Variants in PRKG1 observed in about 807,000 individuals in gnomAD.
The protein encoded by PRKG1 is cGMP-dependent protein kinase 1.
Under a neutral mutation model 88.1 loss-of-function variants are expected in PRKG1, and 35 were observed. That is an observed-to-expected ratio of 0.40 (90% CI 0.30 to 0.53). The LOEUF (loss-of-function observed/expected upper bound fraction) is 0.53. Ranked by LOEUF, PRKG1 falls within the 20% of genes least tolerant of loss-of-function variation. The probability of loss-of-function intolerance (pLI) is 0.59; values close to 1 mark genes in which losing one functional copy is unlikely to be tolerated. For missense variants in PRKG1, 540 were observed against 839.8 expected (o/e 0.64, Z 4.41); for synonymous variants, 303 against 292.5 (o/e 1.04, Z -0.37).
intron 1 of PRKG1, among the ~76,000 whole-genome samples, chr10:51,129,907 A>G (rs772072692): frequency 2.0e-5 from 3 of 152,124 alleles, no homozygotes; most frequent in Non-Finnish European, 4.4e-5. Flanking sequence ...AAGGTGTAGG[A>G]CTTTCCAAAG....
intron 2 of PRKG1, among the ~76,000 whole-genome samples, chr10:51,295,443 G>A (rs1840694575): frequency 1.3e-5 from 2 of 152,034 alleles, no homozygotes; most frequent in South Asian, 4.1e-4. Context: ...TGTTGTTTGT[G>A]TATAGAACAT....
intron 5 of PRKG1, among the ~76,000 whole-genome samples, chr10:51,914,677 T>C (rs571045501): frequency 6.6e-6 from 1 of 152,318 alleles, no homozygotes; most frequent in Admixed American, 6.5e-5. Flanking sequence ...GACTTCTGTC[T>C]CACTAACTTT....
At chr10:51,948,083 G>T (rs760623148) in intron 5 of PRKG1, among the ~76,000 whole-genome samples, 1 of 151,076 alleles carries the variant, frequency 6.6e-6, no homozygotes, top group African/African-American at 2.4e-5. Flanking sequence ...ATATATTTTT[G>T]ATGAAAGAAT....
chr10:51,458,531 C>A (rs1023351682), intron 2 of PRKG1, among the ~76,000 whole-genome samples: 3 of 151,846 alleles, frequency 2.0e-5, no homozygotes, highest in African/African-American at 4.8e-5. Flanking sequence ...ACACAAAGAT[C>A]TTTCACATAA....
intron 2 of PRKG1, among the ~76,000 whole-genome samples, chr10:51,352,753 A>G (rs77190039): frequency 0.026 from 3,947 of 152,182 alleles, 66 homozygotes; most frequent in South Asian, 0.044. Context: ...ATAGAAATAG[A>G]AAAAAAATCC....
chr10:51,887,695 C>T (rs527795717), intron 4 of PRKG1, among the ~76,000 whole-genome samples: 234 of 152,260 alleles, frequency 1.5e-3, no homozygotes, highest in Middle Eastern at 6.8e-3. Context: ...GGCACTTTTT[C>T]GTATACCTAC....
intron 2 of PRKG1, among the ~76,000 whole-genome samples, chr10:51,169,299 G>T (rs542071418): frequency 1.3e-5 from 2 of 152,196 alleles, no homozygotes; most frequent in East Asian, 3.9e-4. Flanking sequence ...AACCTACATT[G>T]TGAGCTACCG....
chr10:51,317,453 T>C (rs753862562), intron 2 of PRKG1, among the ~76,000 whole-genome samples: 27 of 152,234 alleles, frequency 1.8e-4, no homozygotes, highest in Non-Finnish European at 3.2e-4. Flanking sequence ...GTTCATTGTA[T>C]TCTTCCTAAC....
At chr10:51,961,977 T>G (rs574272828) in intron 5 of PRKG1, among the ~76,000 whole-genome samples, 1 of 152,216 alleles carries the variant, frequency 6.6e-6, no homozygotes, top group East Asian at 1.9e-4. Flanking sequence ...ACTAGCACCA[T>G]CGGACATCAT....
chr10:52,009,610 A>G (rs1844830677), intron 5 of PRKG1, among the ~76,000 whole-genome samples: 1 of 152,200 alleles, frequency 6.6e-6, no homozygotes, highest in Admixed American at 6.5e-5. Flanking sequence ...AAGGAAGTGT[A>G]CAGATTCAAT....
chr10:51,901,829 T>A (rs993020767), intron 4 of PRKG1, among the ~76,000 whole-genome samples: 2 of 152,168 alleles, frequency 1.3e-5, no homozygotes, highest in Admixed American at 1.3e-4. Context: ...TTCATCCTAT[T>A]TGTATTTCTT....
intron 2 of PRKG1, among the ~76,000 whole-genome samples, chr10:51,159,203 T>C (rs1846298518): frequency 6.6e-6 from 1 of 152,108 alleles, no homozygotes; most frequent in South Asian, 2.1e-4. Flanking sequence ...AAAGAGGGAT[T>C]TTATATAAAA....
chr10:51,632,172 T>C, intron 3 of PRKG1, among the ~76,000 whole-genome samples: 1 of 152,196 alleles, frequency 6.6e-6, no homozygotes, highest in Admixed American at 6.5e-5. Context: ...CCCAAGACAG[T>C]TCTTCTTCTT....
intron 1 of PRKG1, among the ~76,000 whole-genome samples, chr10:51,049,771 G>A (rs138051859): frequency 4.5e-4 from 68 of 152,240 alleles, no homozygotes; most frequent in Non-Finnish European, 8.2e-4. Context: ...ACTGATTCTA[G>A]TTGGTATGGG....
At chr10:51,177,402 A>G (rs1236524329) in intron 2 of PRKG1, among the ~76,000 whole-genome samples, 1 of 152,192 alleles carries the variant, frequency 6.6e-6, no homozygotes, top group Non-Finnish European at 1.5e-5. Flanking sequence ...TTTCAATTTA[A>G]TTACTTTTTT....
chr10:51,607,699 T>A (rs1284048789), intron 3 of PRKG1, among the ~76,000 whole-genome samples: 3 of 152,236 alleles, frequency 2.0e-5, no homozygotes, highest in Admixed American at 2.0e-4. Flanking sequence ...AAGAGATAAG[T>A]GCCTATTATT....
chr10:51,385,327 A>T (rs1180752336), intron 2 of PRKG1, among the ~76,000 whole-genome samples: 2 of 152,214 alleles, frequency 1.3e-5, no homozygotes, highest in Admixed American at 6.5e-5. Flanking sequence ...CAAAAAAGAC[A>T]AGTGAAAATA....
At chr10:51,699,046 C>T (rs1409251578) in intron 3 of PRKG1, 1 of 1,614,210 alleles carries the variant, frequency 6.2e-7, no homozygotes, top group Admixed American at 1.7e-5. Context: ...GTGCATAAGC[C>T]AGTTGTGGAT....
At chr10:51,536,420 G>C (rs1197020868) in intron 3 of PRKG1, among the ~76,000 whole-genome samples, 1 of 151,952 alleles carries the variant, frequency 6.6e-6, no homozygotes, top group Non-Finnish European at 1.5e-5. Context: ...GTTCTTTATA[G>C]CTTCTGGATA....
Sources: allele counts gnomAD v4.1 joint callset (sites outside exome capture counted in the v4.1 genomes callset), GRCh38; gene constraint gnomAD v4.1.1; transcripts MANE v1.5; gene names NCBI Gene and HGNC (gene_info 2026-07-23, HGNC 2026-07-21).